PRKN: variants seen among roughly 807,000 people sequenced by gnomAD.
The protein encoded by PRKN is parkin RBR E3 ubiquitin protein ligase.
Under a neutral mutation model 59.5 loss-of-function variants are expected in PRKN, and 56 were observed. The ratio of observed to expected loss-of-function variants is 0.94; its 90% CI spans 0.76 to 1.18. The LOEUF (loss-of-function observed/expected upper bound fraction) is 1.18. PRKN is among the 50% of genes most tolerant of loss of function. The pLI, the probability that PRKN is intolerant of heterozygous loss-of-function variation, is 0.00. For synonymous variants in PRKN, 250 were observed against 222.1 expected, an observed-to-expected ratio of 1.13 and a Z score of -1.12; for missense variants, 657 against 596.4, an observed-to-expected ratio of 1.10 and a Z score of -1.06.
At position 161,407,983 on chromosome 6, in the gene PRKN, T is replaced by G. The variant is rs1038317474; in HGVS notation, c.1084-21106A>C. Among the ~76,000 whole-genome samples, 55 of 152,134 alleles carry G rather than the reference T, an allele frequency of 3.6e-4. No homozygotes were observed. The highest frequency in any genetic ancestry group is 1.2e-3 in the African/African-American group (51 of 41,426). On this transcript the variant is annotated intron_variant, in intron 9 of 11. Transcript: ENST00000366898. The surrounding 1 kb of genome is among the most constrained non-coding windows in gnomAD (Gnocchi z 4.9). ...CCCTCTCCTATCTCCCTTCGCTGAC[T>G]CTCTTTTTGGACTCAGCCCACTTGC...
At chr6:161,830,744 C>T (rs180847445) in intron 6 of PRKN, among the ~76,000 whole-genome samples, 136 of 152,250 alleles carry the variant, frequency 8.9e-4, no homozygotes, top group Middle Eastern at 6.8e-3. Context: ...CTAACAAATG[C>T]ATTACCTCAC....
chr6:161,892,349 T>A (rs564902556), intron 6 of PRKN, among the ~76,000 whole-genome samples: 15 of 151,306 alleles, frequency 9.9e-5, no homozygotes, highest in Admixed American at 2.6e-4. Context: ...GAGGATCGCT[T>A]GAGGCCAGGT....
chr6:161,454,379 G>C lies in PRKN; in HGVS notation c.1084-67502C>G, dbSNP rs1789874681. On this transcript the variant is annotated intron_variant, in intron 9 of 11. Coordinates refer to ENST00000366898, the MANE Select transcript of PRKN (RefSeq NM_004562.3). The surrounding 1 kb of genome is among the most constrained non-coding windows in gnomAD (Gnocchi z 4.6). Reference sequence around the variant, plus strand: ...AGTTCTTGAAGAAGGCACTGGCTGGGGTTAGGGTGGCTTTGGGAAACCCTT... The same window carrying C: ...AGTTCTTGAAGAAGGCACTGGCTGGCGTTAGGGTGGCTTTGGGAAACCCTT... 6.6e-6 allele frequency among the ~76,000 whole-genome samples: 1 copy of C among 152,156 alleles called. No individual in the cohort carries two copies. The highest frequency in any genetic ancestry group is 1.5e-5 in the Non-Finnish European group (1 of 68,026).
chr6:161,523,209 T>C (rs192965253), intron 9 of PRKN, among the ~76,000 whole-genome samples: 323 of 152,298 alleles, frequency 2.1e-3, no homozygotes, highest in Non-Finnish European at 3.2e-3. Context: ...ATATTTTTGA[T>C]AGGAATTCTC....
intron 1 of PRKN, among the ~76,000 whole-genome samples, chr6:162,578,124 G>A (rs2128210497): frequency 6.6e-6 from 1 of 151,984 alleles, no homozygotes; most frequent in African/African-American, 2.4e-5. Flanking sequence ...CAACTCATAG[G>A]GGTTTATCAA....
chr6:161,850,135 AT>A (rs1793366625), intron 6 of PRKN, among the ~76,000 whole-genome samples: 1 of 152,142 alleles, frequency 6.6e-6, no homozygotes, highest in African/African-American at 2.4e-5. Context: ...CTAGTCACAT[AT>A]TTATATGACT....
At chr6:162,559,608 A>G (rs549222598) in intron 1 of PRKN, among the ~76,000 whole-genome samples, 3 of 152,332 alleles carry the variant, frequency 2.0e-5, no homozygotes, top group African/African-American at 7.2e-5. Flanking sequence ...TAAAAGGGAA[A>G]GCCTTGTCTC....
chr6:161,691,045 T>TCCATCCAA (rs1453218242), intron 7 of PRKN, among the ~76,000 whole-genome samples: 1 of 150,410 alleles, frequency 6.6e-6, no homozygotes, highest in Non-Finnish European at 1.5e-5. Flanking sequence ...TTCCTTTCCA[T>TCCATCCAA]CCATCCATCC....
chr6:161,711,006 T>A (rs781228718), intron 7 of PRKN, among the ~76,000 whole-genome samples: 11 of 151,034 alleles, frequency 7.3e-5, no homozygotes, highest in Non-Finnish European at 7.4e-5. Flanking sequence ...TTTCTTCCAT[T>A]TGATTGTAGA....
chr6:162,084,404 T>G (rs557072357), intron 4 of PRKN, among the ~76,000 whole-genome samples: 1 of 152,266 alleles, frequency 6.6e-6, no homozygotes, highest in Admixed American at 6.5e-5. Flanking sequence ...CCAGAACAAG[T>G]TAAAGAATTC....
At chr6:161,854,623 G>A (rs1039007187) in intron 6 of PRKN, among the ~76,000 whole-genome samples, 1 of 152,076 alleles carries the variant, frequency 6.6e-6, no homozygotes, top group Non-Finnish European at 1.5e-5. Context: ...TGTAGTTATG[G>A]TTTTTTAAGA....
intron 9 of PRKN, among the ~76,000 whole-genome samples, chr6:161,469,659 A>G (rs192167898): frequency 1.3e-5 from 2 of 152,292 alleles, no homozygotes; most frequent in African/African-American, 4.8e-5. Context: ...ACCTCAAGCC[A>G]AGGAATCCAG....
intron 9 of PRKN, among the ~76,000 whole-genome samples, chr6:161,539,743 C>T (rs537473807): frequency 6.6e-6 from 1 of 152,308 alleles, no homozygotes; most frequent in Non-Finnish European, 1.5e-5. Flanking sequence ...ATCACTTCCT[C>T]TACCCAAAGG....
At chr6:161,510,547 T>C (rs1778347090) in intron 9 of PRKN, among the ~76,000 whole-genome samples, 1 of 152,176 alleles carries the variant, frequency 6.6e-6, no homozygotes, top group Non-Finnish European at 1.5e-5. Flanking sequence ...ACCCAGCAGG[T>C]TCAATTCCCT....
intron 6 of PRKN, among the ~76,000 whole-genome samples, chr6:161,879,764 A>T (rs1364183674): frequency 6.6e-6 from 1 of 152,176 alleles, no homozygotes; most frequent in African/African-American, 2.4e-5. Context: ...ACTTATCGTT[A>T]TAGAGTCTTT....
chr6:161,680,376 G>T (rs1785271229), intron 7 of PRKN, among the ~76,000 whole-genome samples: 1 of 152,088 alleles, frequency 6.6e-6, no homozygotes, highest in Non-Finnish European at 1.5e-5. Flanking sequence ...AAGCAATTGT[G>T]AATCCTTGCA....
chr6:162,051,505 G>A (rs1032657231), intron 5 of PRKN, among the ~76,000 whole-genome samples: 6 of 152,268 alleles, frequency 3.9e-5, no homozygotes, highest in African/African-American at 9.6e-5. Context: ...CCGCATCCTC[G>A]TTCAGGAACA....
chr6:161,401,822 C>A lies in PRKN; in HGVS notation c.1084-14945G>T, dbSNP rs993529141. Among the ~76,000 whole-genome samples, 4 of 152,210 alleles carry A rather than the reference C, an allele frequency of 2.6e-5. No individual in the cohort carries two copies. The highest frequency in any genetic ancestry group is 2.1e-4 in the South Asian group (1 of 4,814). On this transcript the variant is annotated intron_variant, in intron 9 of 11. Coordinates refer to ENST00000366898, the MANE Select transcript of PRKN (RefSeq NM_004562.3). The surrounding 1 kb of genome is among the most constrained non-coding windows in gnomAD (Gnocchi z 4.4). ...AGATGTTTCTGGCCCAGAACCTCTG[C>A]CCTAAATGATTATTCATGAATGTTC...
intron 2 of PRKN, among the ~76,000 whole-genome samples, chr6:162,368,327 T>C (rs1785563374): frequency 6.6e-6 from 1 of 152,144 alleles, no homozygotes; most frequent in South Asian, 2.1e-4. Flanking sequence ...GCTGACATTG[T>C]TGAATCTACC....
Sources: allele counts gnomAD v4.1 joint callset (sites outside exome capture counted in the v4.1 genomes callset), GRCh38; gene constraint gnomAD v4.1.1; non-coding constraint Gnocchi (gnomAD v3.1); transcripts MANE v1.5; gene names NCBI Gene and HGNC (gene_info 2026-07-23, HGNC 2026-07-21).